Variants in SLC38A2 observed in about 807,000 individuals in gnomAD.
The protein encoded by SLC38A2 is sodium-coupled neutral amino acid symporter 2.
Under a neutral mutation model 61.5 loss-of-function variants are expected in SLC38A2, and 11 were observed. The ratio of observed to expected loss-of-function variants is 0.18; its 90% CI spans 0.11 to 0.30. The LOEUF is 0.30. SLC38A2 is among the 10% of genes least tolerant of loss of function. The pLI is 1.00. For missense variants in SLC38A2, 522 were observed against 600.4 expected, an observed-to-expected ratio of 0.87 and a Z score of 1.36; for synonymous variants, 217 against 212.5, an observed-to-expected ratio of 1.02 and a Z score of -0.18.
chr12:46,369,705 T>C (rs1306804569), intron 4 of SLC38A2, among the ~76,000 whole-genome samples: 3 of 152,186 alleles, frequency 2.0e-5, no homozygotes, highest in Non-Finnish European at 4.4e-5. Context: ...TTTTGTGCTT[T>C]TTCCCTGGAA....
intron 15 of SLC38A2, 120 bp from the exon 16 acceptor site, chr12:46,361,329 A>T (rs7961994): frequency 0.65 from 505,518 of 782,636 alleles, 166,792 homozygotes; most frequent in African/African-American, 0.89. Context: ...ATCTATAGAA[A>T]GAATATTTAA....
At chr12:46,364,114 T>G (rs1385741559) in intron 10 of SLC38A2, 111 bp from the exon 11 acceptor site, 2 of 975,142 alleles carry the variant, frequency 2.1e-6, no homozygotes, top group Non-Finnish European at 3.0e-6. Context: ...CTAAGTTTCC[T>G]TTGTGTAATT....
Position 46,358,301 on chromosome 12 carries a change from A to G in SLC38A2, c.*2810T>C, listed in dbSNP as rs1346655706. 1.3e-5 allele frequency: 2 copies of G among 152,668 alleles called. No individual in the cohort carries two copies. Among genetic ancestry groups the G allele is most frequent in the Non-Finnish European group, 2.9e-5 (2 of 68,044 alleles). The allele number at this position is 152,668 out of a possible 1,614,324, so 9.5% of individuals were successfully genotyped here. On this transcript the variant is annotated 3_prime_UTR_variant, in exon 16 of 16. Transcript: ENST00000256689. ...CATACTAGAATTGTTGGCCTCTAACAGTACAGTGGGGATATTTACACTATA... is the reference window on the plus strand; with the variant it reads ...CATACTAGAATTGTTGGCCTCTAACGGTACAGTGGGGATATTTACACTATA...
At chr12:46,361,636 A>G (rs989165088) in intron 15 of SLC38A2, among the ~76,000 whole-genome samples, 2 of 152,116 alleles carry the variant, frequency 1.3e-5, no homozygotes, top group Non-Finnish European at 2.9e-5. Flanking sequence ...TACTGCCACT[A>G]TGTAATTTAG....
Position 46,371,359 on chromosome 12 carries a change from T to C in SLC38A2, c.-66A>G, listed in dbSNP as rs1592208489. On this transcript the variant is annotated 5_prime_UTR_variant, in exon 2 of 16. Transcript: ENST00000256689. Reference sequence around the variant, plus strand: ...GGCTCCTTTTGTCCTTGGCGGTGGGTGCAGCGGCCCGCGAGTCGGCCTGCG... The same window carrying C: ...GGCTCCTTTTGTCCTTGGCGGTGGGCGCAGCGGCCCGCGAGTCGGCCTGCG... 1.5e-6 allele frequency: 2 copies of C among 1,322,906 alleles called. No homozygotes were observed. The highest frequency in any genetic ancestry group is 2.2e-6 in the Non-Finnish European group (2 of 927,102). 81.9% of individuals were successfully genotyped at this position (1,322,906 alleles called of 1,614,324 possible).
chr12:46,367,521 A>T, intron 4 of SLC38A2, 181 bp from the exon 5 acceptor site: 2 of 602,660 alleles, frequency 3.3e-6, no homozygotes, highest in Non-Finnish European at 6.0e-6. Context: ...CTTGGCTGGC[A>T]GTAAAAACTT....
intron 1 of SLC38A2, 169 bp from the exon 2 acceptor site, chr12:46,371,548 C>G (rs1179898545): frequency 2.2e-6 from 1 of 460,442 alleles, no homozygotes; most frequent in Non-Finnish European, 3.8e-6. Context: ...GTACAGACGG[C>G]GGAGCCGCGG....
rs144980047 is a variant in SLC38A2 at position 46,361,133 on chromosome 12, T to C, written c.1499A>G (p.Asn500Ser). 2.3e-4 allele frequency: 370 copies of C among 1,613,506 alleles called. No homozygotes were observed. Among genetic ancestry groups the C allele is most frequent in the South Asian group, 1.6e-3 (144 of 91,052 alleles). Residue 500 changes from asparagine (N) to serine (S), a missense_variant, in exon 16 of 16, where the codon AAT becomes AGT. This residue lies in a region of SLC38A2 where 309 missense variants were observed against 343.9 expected (regional missense o/e 0.90). Transcript: ENST00000256689. ...CAATTAATGGCCACCTCCAGGTGCATTGTGTACCCAATCCAAAACAATCAA... is the reference window on the plus strand; with the variant it reads ...CAATTAATGGCCACCTCCAGGTGCACTGTGTACCCAATCCAAAACAATCAA... ...MALIVLDWVH[N>S]APGGGH
chr12:46,372,430 C>T (rs1438449020), intron 1 of SLC38A2, 79 bp downstream of exon 1: 4 of 354,336 alleles, frequency 1.1e-5, no homozygotes, highest in African/African-American at 4.3e-5. Context: ...CCTTCCCGCG[C>T]GGCCCCTCCC....
rs772488321 is a variant in SLC38A2, at chr12:46,362,605, A to G, written c.1213T>C (p.Ser405Pro). 6.3e-7 allele frequency: 1 copy of G among 1,589,532 alleles called. No homozygotes were observed. Among genetic ancestry groups the G allele is most frequent in the Non-Finnish European group, 8.5e-7 (1 of 1,174,474 alleles). The change falls in exon 14 of 16, where the codon TCA becomes CCA. Residue 405 changes from serine to proline, a missense_variant. By Grantham distance (74) the Ser-to-Pro change is moderately conservative. Around this residue, in one of 3 missense-constraint regions of SLC38A2, gnomAD observed 309 missense variants for 343.9 expected, o/e 0.90. Transcript: ENST00000256689. ...TGACGCCACCAACTGAAATCTTTTGATGCACACAACAAGTGAGTTACAGAA... is the reference window on the plus strand; with the variant it reads ...TGACGCCACCAACTGAAATCTTTTGGTGCACACAACAAGTGAGTTACAGAA... ...RSSVTHLLCA[S>P]KDFSWWRHSL...
chr12:46,370,752 G>C (rs373829066), intron 3 of SLC38A2, 24 bp downstream of exon 3: 1 of 1,585,586 alleles, frequency 6.3e-7, no homozygotes, highest in African/African-American at 1.3e-5. Context: ...GCCACTGACA[G>C]ACAAATTACT....
At chr12:46,366,806 G>A in intron 7 of SLC38A2, 58 bp downstream of exon 7, 1 of 1,437,188 alleles carries the variant, frequency 7.0e-7, no homozygotes, top group Middle Eastern at 1.9e-4. Flanking sequence ...TGATAAAAAT[G>A]TATCTAACCA....
intron 10 of SLC38A2, 86 bp from the exon 11 acceptor site, chr12:46,364,089 T>A: frequency 8.3e-7 from 1 of 1,201,552 alleles, no homozygotes; most frequent in Non-Finnish European, 1.2e-6. Flanking sequence ...ATGTAAACAA[T>A]CTTAGAATCA....
At position 46,364,416 on chromosome 12, in the gene SLC38A2, T is replaced by A. The variant is rs1302743245; in HGVS notation, c.846A>T (p.Arg282Ser). The A allele has an allele frequency of 2.5e-6, 4 of 1,596,592 alleles. No homozygotes were observed. Among genetic ancestry groups the A allele is most frequent in the African/African-American group, 1.4e-5 (1 of 73,702 alleles). The change falls in exon 10 of 16, where the codon AGA becomes AGT. Residue 282 changes from arginine to serine, a missense_variant. By Grantham distance (110) the Arg-to-Ser change is moderately radical. Around this residue, in one of 3 missense-constraint regions of SLC38A2, gnomAD observed 309 missense variants for 343.9 expected, o/e 0.90. Transcript: ENST00000256689. ...GTGAGTTGAAAATAAAATAGTGAGG[T>A]CTGCAAGAGTCATTTTCAGTCACGT... ...SHNVTENDSC[R>S]PHYFIFNSQT...
rs1302081713 is a variant in SLC38A2 at position 46,365,507 on chromosome 12, T to C, written c.564-318A>G. 5.3e-5 allele frequency among the ~76,000 whole-genome samples: 8 copies of C among 152,160 alleles called. No individual in the cohort carries two copies. In the East Asian group the frequency reaches 1.5e-3, roughly 29 times the overall value. On this transcript the variant is annotated intron_variant, in intron 7 of 15. Coordinates refer to ENST00000256689, the MANE Select transcript of SLC38A2 (RefSeq NM_018976.5). ...TACTAATGCAGGGAACAAAGCTTGT[T>C]TGTTAAGCCAGTAATCTTATCTTTA...
In SLC38A2 at chr12:46,370,824, G is replaced by C. The variant is rs1220308737; in HGVS notation, c.150C>G (p.Asn50Lys). The C allele has an allele frequency of 1.9e-6, 3 of 1,612,528 alleles. No homozygotes were observed. Among genetic ancestry groups the C allele is most frequent in the South Asian group, 1.1e-5 (1 of 90,530 alleles). The change falls in exon 3 of 16, where the codon AAC becomes AAG. Residue 50 changes from asparagine to lysine, a missense_variant. Asn to Lys is a moderately conservative substitution (Grantham distance 94). This residue lies in a region of SLC38A2 where 102 missense variants were observed against 83.1 expected (regional missense o/e 1.23). Transcript: ENST00000256689. Reference sequence around the variant, plus strand: ...TCCCCAAATTCGATTCAAGTAAAAAGTTCTGGTTTTCAGGATCTACATCTG... The same window carrying C: ...TCCCCAAATTCGATTCAAGTAAAAACTTCTGGTTTTCAGGATCTACATCTG... ...HYADVDPENQ[N>K]FLLESNLGKK...
intron 7 of SLC38A2, among the ~76,000 whole-genome samples, chr12:46,366,005 A>G (rs956910): frequency 0.6 from 91,619 of 151,934 alleles, 27,706 homozygotes; most frequent in Middle Eastern, 0.68. Context: ...TAAATTTCTA[A>G]AGCCACATCT....
Position 46,358,363 on chromosome 12 carries a change from T to C in SLC38A2, c.*2748A>G, listed in dbSNP as rs1222709968. ...AATACACCCAGGTTCTCAAAGGTCT[T>C]CCATTACACTAGATCACATTTTATT... On this transcript the variant is annotated 3_prime_UTR_variant, in exon 16 of 16. Coordinates refer to ENST00000256689, the MANE Select transcript of SLC38A2 (RefSeq NM_018976.5). 6.6e-6 allele frequency: 1 copy of C among 152,666 alleles called. No individual in the cohort carries two copies. The highest frequency in any genetic ancestry group is 1.9e-4 in the East Asian group (1 of 5,206). 9.5% of individuals were successfully genotyped at this position (152,666 alleles called of 1,614,324 possible).
At chr12:46,362,822 T>A (rs1212977875) in intron 13 of SLC38A2, 184 bp from the exon 14 acceptor site, 1 of 935,468 alleles carries the variant, frequency 1.1e-6, no homozygotes, top group African/African-American at 1.7e-5. Flanking sequence ...TTAAAGATCA[T>A]TTTATATCTT....
Sources: gnomAD v4.1 joint callset for allele counts (sites outside exome capture counted in the v4.1 genomes callset) on GRCh38, gnomAD v4.1.1 for gene constraint, gnomAD v4.1.1 regional missense constraint, MANE v1.5 for transcripts, NCBI Gene and HGNC (gene_info 2026-07-23, HGNC 2026-07-21) for gene names.